The following CCBE1 variants were observed in gnomAD, a reference collection of about 807,000 sequenced individuals.
CCBE1 encodes collagen and calcium-binding EGF domain-containing protein 1.
CCBE1 carries 37 observed loss-of-function variants against 50.0 expected under a neutral mutation model. The observed-to-expected ratio is 0.74, with a 90% CI of 0.57 to 0.97. The LOEUF is 0.97. Ranked by LOEUF, CCBE1 falls within the 50% of genes least tolerant of loss-of-function variation. The pLI is 0.00. For synonymous variants in CCBE1, 234 were observed against 203.7 expected (o/e 1.15, Z -1.27); for missense variants, 538 against 523.8 (o/e 1.03, Z -0.26).
At chr18:59,636,486 TAAG>T (rs1275123783) in intron 2 of CCBE1, among the ~76,000 whole-genome samples, 2 of 152,172 alleles carry the variant, frequency 1.3e-5, no homozygotes, top group Non-Finnish European at 2.9e-5. Context: ...TCCAAGGCCT[TAAG>T]AGTTCCAAGG....
chr18:59,440,463 C>T (rs1395615835), intron 7 of CCBE1, among the ~76,000 whole-genome samples: 3 of 152,202 alleles, frequency 2.0e-5, no homozygotes, highest in African/African-American at 7.2e-5. Context: ...ACTCTTGCCT[C>T]ATTGCTAGTC....
intron 2 of CCBE1, among the ~76,000 whole-genome samples, chr18:59,536,953 C>T (rs1915273913): frequency 6.8e-6 from 1 of 146,592 alleles, no homozygotes; most frequent in Admixed American, 6.9e-5. Flanking sequence ...GATTGTGCCA[C>T]TGCACTCCAG....
chr18:59,468,628 T>A (rs1336422652), intron 4 of CCBE1, among the ~76,000 whole-genome samples: 2 of 151,954 alleles, frequency 1.3e-5, no homozygotes, highest in Non-Finnish European at 2.9e-5. Flanking sequence ...TGGTGCTCCC[T>A]AGAGCCCCTG....
chr18:59,541,500 G>A (rs1271255620), intron 2 of CCBE1, among the ~76,000 whole-genome samples: 2 of 152,276 alleles, frequency 1.3e-5, no homozygotes, highest in East Asian at 3.9e-4. Flanking sequence ...CCATCTTTTT[G>A]GAGAGGGTCA....
At chr18:59,594,797 A>G (rs772537955) in intron 2 of CCBE1, among the ~76,000 whole-genome samples, 6 of 152,240 alleles carry the variant, frequency 3.9e-5, no homozygotes, top group Non-Finnish European at 5.9e-5. Context: ...TCCCAGAGAC[A>G]GTCCCTAAGG....
chr18:59,649,123 C>T (rs1395625446), intron 2 of CCBE1, among the ~76,000 whole-genome samples: 1 of 152,206 alleles, frequency 6.6e-6, no homozygotes, highest in African/African-American at 2.4e-5. Flanking sequence ...GGACAGAAAG[C>T]ATCCCATGAA....
At chr18:59,600,812 A>T (rs902162906) in intron 2 of CCBE1, among the ~76,000 whole-genome samples, 1 of 151,974 alleles carries the variant, frequency 6.6e-6, no homozygotes, top group Non-Finnish European at 1.5e-5. Flanking sequence ...TTCAGTTAGC[A>T]TCTTCACCTC....
intron 2 of CCBE1, among the ~76,000 whole-genome samples, chr18:59,538,608 GA>G (rs201197275): frequency 4.0e-5 from 6 of 150,850 alleles, no homozygotes; most frequent in East Asian, 1.9e-4. Context: ...ACATCCTGGG[GA>G]AAAAAAAATG....
chr18:59,527,864 G>T (rs4940888), intron 2 of CCBE1, among the ~76,000 whole-genome samples: 41,914 of 151,852 alleles, frequency 0.28, 5,934 homozygotes, highest in African/African-American at 0.32. Context: ...ACTCTGATGG[G>T]CTTCTCCTGT....
intron 2 of CCBE1, among the ~76,000 whole-genome samples, chr18:59,587,897 A>G (rs145065978): frequency 6.6e-6 from 1 of 152,370 alleles, no homozygotes; most frequent in South Asian, 2.1e-4. Flanking sequence ...ATTTTTGAAG[A>G]TACTATTTTT....
chr18:59,529,315 G>A (rs1914955654), intron 2 of CCBE1, among the ~76,000 whole-genome samples: 1 of 152,246 alleles, frequency 6.6e-6, no homozygotes, highest in African/African-American at 2.4e-5. Flanking sequence ...CAATCTCCCA[G>A]GCACTGGCAG....
At chr18:59,527,433 T>C (rs1914871307) in intron 2 of CCBE1, among the ~76,000 whole-genome samples, 1 of 152,148 alleles carries the variant, frequency 6.6e-6, no homozygotes, top group Admixed American at 6.5e-5. Flanking sequence ...CACTAATGGG[T>C]CTTGACTCTC....
At chr18:59,672,981 C>T (rs1046712547) in intron 2 of CCBE1, among the ~76,000 whole-genome samples, 3 of 151,998 alleles carry the variant, frequency 2.0e-5, no homozygotes, top group Admixed American at 6.6e-5. Flanking sequence ...CCAAGTACCA[C>T]CTGTTCCCCA....
intron 2 of CCBE1, among the ~76,000 whole-genome samples, chr18:59,687,707 T>C (rs1415233644): frequency 2.0e-5 from 3 of 152,228 alleles, no homozygotes; most frequent in African/African-American, 7.2e-5. Context: ...CTCACACCTG[T>C]AATCCCAGTA....
chr18:59,679,301 T>G (rs1016885259), intron 2 of CCBE1, among the ~76,000 whole-genome samples: 12 of 152,180 alleles, frequency 7.9e-5, no homozygotes, highest in Non-Finnish European at 1.3e-4. Flanking sequence ...ACTAATGACT[T>G]AAGAGAAATT....
At chr18:59,551,515 C>G (rs755348695) in intron 2 of CCBE1, among the ~76,000 whole-genome samples, 7 of 152,182 alleles carry the variant, frequency 4.6e-5, no homozygotes, top group Non-Finnish European at 2.9e-5. Context: ...ATGGCTATAT[C>G]ATCACTAGCT....
intron 2 of CCBE1, among the ~76,000 whole-genome samples, chr18:59,628,470 C>A (rs936559953): frequency 6.6e-6 from 1 of 152,154 alleles, no homozygotes; most frequent in Non-Finnish European, 1.5e-5. Context: ...GCTCTTCCAG[C>A]CTAAAGATGG....
At chr18:59,520,923 A>C (rs1914572592) in intron 2 of CCBE1, among the ~76,000 whole-genome samples, 1 of 152,252 alleles carries the variant, frequency 6.6e-6, no homozygotes, top group Non-Finnish European at 1.5e-5. Context: ...CTGTGTTGAT[A>C]CAGTGATTTT....
intron 5 of CCBE1, among the ~76,000 whole-genome samples, chr18:59,456,797 G>C (rs1176872921): frequency 2.6e-5 from 4 of 152,180 alleles, no homozygotes; most frequent in Non-Finnish European, 4.4e-5. Flanking sequence ...CAGTGACCAG[G>C]GCTTCTGCCC....
Sources: allele counts gnomAD v4.1 joint callset (sites outside exome capture counted in the v4.1 genomes callset), GRCh38; gene constraint gnomAD v4.1.1; transcripts MANE v1.5; gene names NCBI Gene and HGNC (gene_info 2026-07-23, HGNC 2026-07-21).